IL1RAPL1: variants seen among roughly 807,000 people sequenced by gnomAD.
The protein encoded by IL1RAPL1 is interleukin-1 receptor accessory protein-like 1.
Under a neutral mutation model 48.4 loss-of-function variants are expected in IL1RAPL1, and 3 were observed. The observed-to-expected ratio is 0.06, with a 90% confidence interval of 0.03 to 0.16. The LOEUF (loss-of-function observed/expected upper bound fraction) is 0.16. Among genes scored for constraint, IL1RAPL1 ranks in the 10% least tolerant of loss-of-function variants. IL1RAPL1 has a pLI of 1.00. For missense variants in IL1RAPL1, 349 were observed against 530.6 expected, an observed-to-expected ratio of 0.66 and a Z score of 3.36; for synonymous variants, 185 against 187.7, an observed-to-expected ratio of 0.99 and a Z score of 0.12.
chrX:28,601,515 AC>A (rs1934026592), intron 1 of IL1RAPL1, among the ~76,000 whole-genome samples: 1 of 111,174 alleles, frequency 9.0e-6, no homozygotes, highest in Admixed American at 9.6e-5. Context: ...TTAATAAATA[AC>A]CACTTTGGCA....
intron 4 of IL1RAPL1, 91 bp downstream of exon 4, chrX:29,396,535 G>T: frequency 1.2e-6 from 1 of 819,096 alleles, no homozygotes; most frequent in East Asian, 3.1e-5. Context: ...AGATGGGTGT[G>T]ATATAGTTTA....
At chrX:28,724,432 G>A (rs1482633619) in intron 1 of IL1RAPL1, among the ~76,000 whole-genome samples, 1 of 109,414 alleles carries the variant, frequency 9.1e-6, no homozygotes, top group East Asian at 2.9e-4. Context: ...CCTTTTTTTT[G>A]TTTTCCATTT....
At chrX:29,362,993 C>T (rs992355806) in intron 3 of IL1RAPL1, among the ~76,000 whole-genome samples, 3 of 111,192 alleles carry the variant, frequency 2.7e-5, no homozygotes, top group East Asian at 5.6e-4. Context: ...ATTTTACAGA[C>T]GAGAAAACTG....
At chrX:29,824,850 G>T (rs1220186183) in intron 6 of IL1RAPL1, among the ~76,000 whole-genome samples, 1 of 109,294 alleles carries the variant, frequency 9.1e-6, no homozygotes, top group African/African-American at 3.3e-5. Flanking sequence ...GAAGTTGGGG[G>T]CTGGAGGGAG....
intron 2 of IL1RAPL1, among the ~76,000 whole-genome samples, chrX:28,927,746 C>T (rs1408737390): frequency 1.8e-5 from 2 of 110,213 alleles, no homozygotes; most frequent in Non-Finnish European, 3.8e-5. Context: ...ACTACTTGCT[C>T]CTTCTGGAAA....
At chrX:29,944,952 T>TA (rs1280605041) in intron 9 of IL1RAPL1, among the ~76,000 whole-genome samples, 191 of 102,655 alleles carry the variant, frequency 1.9e-3, no homozygotes, top group African/African-American at 3.7e-3. Context: ...ACCTTCCCAT[T>TA]AAAAAAAAAA....
chrX:29,566,804 T>C lies in IL1RAPL1; in HGVS notation c.704-101626T>C, dbSNP rs866761862. Among the ~76,000 whole-genome samples, 3 of 112,117 alleles carry C rather than the reference T, an allele frequency of 2.7e-5. No individual in the cohort carries two copies. The South Asian group carries it at 1.1e-3, about 41-fold the overall frequency. On this transcript the variant is annotated intron_variant, in intron 5 of 10. Transcript: ENST00000378993. Reference sequence around the variant, plus strand: ...TATGTGTTTTCTAAGTTTGTAAATATTTTATCAGGATAATTATACCAAAAA... The same window carrying C: ...TATGTGTTTTCTAAGTTTGTAAATACTTTATCAGGATAATTATACCAAAAA...
chrX:28,833,823 A>G (rs1921134575), intron 2 of IL1RAPL1, among the ~76,000 whole-genome samples: 2 of 112,145 alleles, frequency 1.8e-5, no homozygotes, highest in Admixed American at 9.5e-5. Context: ...TGAAGGAGAA[A>G]TAGACTTTGA....
chrX:29,658,697 T>A (rs1202590154), intron 5 of IL1RAPL1, among the ~76,000 whole-genome samples: 1 of 111,813 alleles, frequency 8.9e-6, no homozygotes, highest in Non-Finnish European at 1.9e-5. Flanking sequence ...TATTGATGTG[T>A]CATAGTTATA....
intron 5 of IL1RAPL1, among the ~76,000 whole-genome samples, chrX:29,666,310 GT>G (rs1244497179): frequency 7.3e-5 from 8 of 110,212 alleles, no homozygotes; most frequent in African/African-American, 2.6e-4. Flanking sequence ...GATGTATAAG[GT>G]AAAATAAAAG....
intron 2 of IL1RAPL1, among the ~76,000 whole-genome samples, chrX:28,831,024 C>CTGTGTG (rs150869644): frequency 2.9e-4 from 17 of 59,226 alleles, no homozygotes; most frequent in African/African-American, 1.3e-3. Context: ...CTCTCTCTCT[C>CTGTGTG]TCTGTGTGTG....
chrX:28,753,315 C>T (rs1026322619), intron 1 of IL1RAPL1, among the ~76,000 whole-genome samples: 1 of 112,418 alleles, frequency 8.9e-6, no homozygotes, highest in Non-Finnish European at 1.9e-5. Flanking sequence ...TATTGAATTT[C>T]TTTCATAATT....
At chrX:29,342,038 A>AC (rs1933085065) in intron 3 of IL1RAPL1, among the ~76,000 whole-genome samples, 1 of 108,517 alleles carries the variant, frequency 9.2e-6, no homozygotes, top group South Asian at 4.1e-4. Context: ...TGAACTCCTG[A>AC]CCTCGTGATC....
rs766904470 is a variant in IL1RAPL1, at chrX:29,921,506, T to C, written c.1057+1412T>C. 1.9e-3 allele frequency among the ~76,000 whole-genome samples: 211 copies of C among 112,238 alleles called. 2 individuals carry two copies. The highest frequency in any genetic ancestry group is 3.1e-3 in the Non-Finnish European group (165 of 53,209). ...GGGATGTGAGTCAAGGAGAAAGGTA[T>C]GCAGCAGCTAACAATATGATTGTAT... On this transcript the variant is annotated intron_variant, in intron 8 of 10. Coordinates refer to ENST00000378993, the MANE Select transcript of IL1RAPL1 (RefSeq NM_014271.4).
At chrX:29,612,006 G>A (rs1924111709) in intron 5 of IL1RAPL1, among the ~76,000 whole-genome samples, 1 of 110,975 alleles carries the variant, frequency 9.0e-6, no homozygotes, top group Non-Finnish European at 1.9e-5. Flanking sequence ...ATGGAGCCTA[G>A]GGTTTGGGGT....
chrX:28,704,967 A>G (rs1425588745), intron 1 of IL1RAPL1, among the ~76,000 whole-genome samples: 1 of 111,099 alleles, frequency 9.0e-6, no homozygotes, highest in Non-Finnish European at 1.9e-5. Flanking sequence ...TCTAAATATA[A>G]TAGGAATCCA....
intron 6 of IL1RAPL1, among the ~76,000 whole-genome samples, chrX:29,675,415 G>A (rs987017778): frequency 9.0e-6 from 1 of 111,688 alleles, no homozygotes; most frequent in Middle Eastern, 4.6e-3. Context: ...TAGTCCCCAC[G>A]CTGGACACTG....
In IL1RAPL1 at chrX:28,827,067, G is replaced by T. The variant is rs190189910; in HGVS notation, c.82+37642G>T. On this transcript the variant is annotated intron_variant, in intron 2 of 10. Coordinates refer to ENST00000378993, the MANE Select transcript of IL1RAPL1 (RefSeq NM_014271.4). The stretch of plus-strand genomic sequence containing the variant: ...TTGAACATAGGCAGTTTTCACATTG[G>T]CTGTTGAAGTTGCTATTTGTGCAAA... Among the ~76,000 whole-genome samples, 31 of 111,218 alleles carry T rather than the reference G, an allele frequency of 2.8e-4. No individual in the cohort carries two copies. In the East Asian group the frequency reaches 7.1e-3, roughly 25 times the overall value.
intron 1 of IL1RAPL1, among the ~76,000 whole-genome samples, chrX:28,690,825 C>G (rs1041505655): frequency 9.0e-6 from 1 of 111,019 alleles, no homozygotes; most frequent in Non-Finnish European, 1.9e-5. Flanking sequence ...ATAACCATAA[C>G]CATACCAATA....
Sources: allele counts gnomAD v4.1 joint callset (sites outside exome capture counted in the v4.1 genomes callset), GRCh38; gene constraint gnomAD v4.1.1; transcripts MANE v1.5; gene names NCBI Gene and HGNC (gene_info 2026-07-23, HGNC 2026-07-21).